Variants in NDRG3 observed in about 807,000 individuals in gnomAD.
The protein encoded by NDRG3 is protein NDRG3.
NDRG3 carries 23 observed loss-of-function variants against 57.2 expected under a neutral mutation model. The ratio of observed to expected loss-of-function variants is 0.40; its 90% CI spans 0.29 to 0.57. The LOEUF is 0.57. NDRG3 is among the 20% of genes least tolerant of loss of function. The pLI is 0.42. For synonymous variants in NDRG3, 132 were observed against 162.6 expected, an observed-to-expected ratio of 0.81 and a Z score of 1.43; for missense variants, 384 against 457.3, an observed-to-expected ratio of 0.84 and a Z score of 1.46.
chr20:36,653,919 T>C lies in NDRG3; in HGVS notation c.947-218A>G, dbSNP rs139960451. On this transcript the variant is annotated intron_variant, in intron 15 of 15. Coordinates refer to ENST00000349004, the MANE Select transcript of NDRG3 (RefSeq NM_032013.4). This position sits in a 1 kb window ranked among gnomAD's most constrained non-coding sequence, Gnocchi z 4.2. ...TAGATCTGGTTGGAATCTCAGCTGA[T>C]TGTAGTCACCGCAGAACAAGGGGAA... Among the ~76,000 whole-genome samples, 46 of 152,290 alleles carry C rather than the reference T, an allele frequency of 3.0e-4. No homozygotes were observed. The East Asian group carries it at 6.6e-3, about 22-fold the overall frequency.
chr20:36,743,009 G>A (rs1024677059), intron 1 of NDRG3, among the ~76,000 whole-genome samples: 4 of 152,138 alleles, frequency 2.6e-5, no homozygotes, highest in African/African-American at 9.7e-5. Context: ...ACAACCAGGG[G>A]CAATCAGCCA....
At chr20:36,664,483 C>T (rs536830059) in intron 12 of NDRG3, among the ~76,000 whole-genome samples, 3 of 152,192 alleles carry the variant, frequency 2.0e-5, no homozygotes, top group East Asian at 3.9e-4. Context: ...AGAAATCTGA[C>T]AATAAGTAAA....
chr20:36,686,133 T>G (rs1981768887), intron 5 of NDRG3, among the ~76,000 whole-genome samples: 1 of 152,142 alleles, frequency 6.6e-6, no homozygotes, highest in Non-Finnish European at 1.5e-5. Flanking sequence ...CCTGAACACT[T>G]AAGGGGATGG....
chr20:36,702,290 C>T (rs1048064623), intron 3 of NDRG3, among the ~76,000 whole-genome samples: 4 of 152,034 alleles, frequency 2.6e-5, no homozygotes, highest in African/African-American at 9.7e-5. Flanking sequence ...GTGCCCGCCA[C>T]TATGCCGGCT....
intron 2 of NDRG3, among the ~76,000 whole-genome samples, chr20:36,715,410 C>T (rs1984213904): frequency 6.6e-6 from 1 of 151,804 alleles, no homozygotes; most frequent in Non-Finnish European, 1.5e-5. Context: ...CCACTCTAGT[C>T]CACACTAGAT....
intron 1 of NDRG3, among the ~76,000 whole-genome samples, chr20:36,739,715 G>A (rs1304401876): frequency 6.6e-6 from 1 of 151,772 alleles, no homozygotes; most frequent in Non-Finnish European, 1.5e-5. Flanking sequence ...GAGGTCAGGA[G>A]ATCGAGACCA....
chr20:36,733,167 AAAAAATATAT>A (rs1372575256), intron 1 of NDRG3, among the ~76,000 whole-genome samples: 9 of 29,272 alleles, frequency 3.1e-4, no homozygotes, highest in African/African-American at 1.4e-3. Flanking sequence ...AAAAAAAAAA[AAAAAATATAT>A]ATATATATAT....
intron 3 of NDRG3, among the ~76,000 whole-genome samples, chr20:36,697,079 T>C (rs557146378): frequency 6.6e-6 from 1 of 152,210 alleles, no homozygotes; most frequent in East Asian, 1.9e-4. Flanking sequence ...CAAAAGAACT[T>C]TGAAAGGCAG....
At position 36,703,421 on chromosome 20, in the gene NDRG3, C is replaced by CCCATCTATCTAT. The variant is rs569065969; in HGVS notation, c.93+3550_93+3551insATAGATAGATGG. On this transcript the variant is annotated intron_variant, in intron 3 of 15. Transcript: ENST00000349004. The stretch of plus-strand genomic sequence containing the variant: ...CTCTAAATATATATATATGTAATAT[C>CCCATCTATCTAT]CTATCTATCTATCTATCTATCTATC... 6.7e-3 allele frequency among the ~76,000 whole-genome samples: 990 copies of CCCATCTATCTAT among 147,014 alleles called. 7 individuals are homozygous for CCCATCTATCTAT. The highest frequency in any genetic ancestry group is 0.024 in the African/African-American group (940 of 39,808).
At chr20:36,717,597 G>C (rs1193422061) in intron 2 of NDRG3, among the ~76,000 whole-genome samples, 2 of 152,092 alleles carry the variant, frequency 1.3e-5, no homozygotes, top group East Asian at 3.8e-4. Flanking sequence ...CCTTTCATTC[G>C]GATTTTTAAT....
chr20:36,680,760 A>T (rs1981211486), intron 8 of NDRG3, 56 bp downstream of exon 8: 2 of 1,383,564 alleles, frequency 1.4e-6, no homozygotes, highest in African/African-American at 2.8e-5. Flanking sequence ...AAAAACTGGT[A>T]AGCTGTTTTG....
intron 1 of NDRG3, among the ~76,000 whole-genome samples, chr20:36,731,058 G>A (rs1456526132): frequency 6.6e-6 from 1 of 152,122 alleles, no homozygotes; most frequent in Non-Finnish European, 1.5e-5. Flanking sequence ...GGAAATTAGT[G>A]AGCTGAGAAA....
intron 3 of NDRG3, among the ~76,000 whole-genome samples, chr20:36,694,897 A>G (rs2148139710): frequency 6.6e-6 from 1 of 152,216 alleles, no homozygotes; most frequent in African/African-American, 2.4e-5. Context: ...AGCTGGGACC[A>G]TAGATGCATG....
chr20:36,723,708 T>A (rs1984748391), intron 1 of NDRG3, among the ~76,000 whole-genome samples: 1 of 139,464 alleles, frequency 7.2e-6, no homozygotes, highest in Admixed American at 7.1e-5. Flanking sequence ...GTCTGGTGTT[T>A]TTGTTTTTTT....
Position 36,673,827 on chromosome 20 carries a change from G to A in NDRG3, c.532-2430C>T, listed in dbSNP as rs535053039. 2.3e-3 allele frequency among the ~76,000 whole-genome samples: 346 copies of A among 152,182 alleles called. 2 individuals are homozygous for A. Among genetic ancestry groups the A allele is most frequent in the African/African-American group, 7.6e-3 (316 of 41,534 alleles). The stretch of plus-strand genomic sequence containing the variant: ...TTAAGTATATCTAAAACATTTGGCC[G>A]GGCGCAGTAGCTCACACCTGTAATC... On this transcript the variant is annotated intron_variant, in intron 8 of 15. Coordinates refer to ENST00000349004, the MANE Select transcript of NDRG3 (RefSeq NM_032013.4).
At chr20:36,745,298 A>T (rs938777433) in intron 1 of NDRG3, among the ~76,000 whole-genome samples, 1 of 152,120 alleles carries the variant, frequency 6.6e-6, no homozygotes, top group Non-Finnish European at 1.5e-5. Context: ...CCTCAATTGT[A>T]CTCCGACAAC....
chr20:36,663,612 A>C (rs1483584721), intron 12 of NDRG3, among the ~76,000 whole-genome samples: 1 of 152,220 alleles, frequency 6.6e-6, no homozygotes, highest in Non-Finnish European at 1.5e-5. Flanking sequence ...GTGTGCAGTG[A>C]AACAGGCATG....
At chr20:36,723,478 CA>C (rs1397910953) in intron 1 of NDRG3, among the ~76,000 whole-genome samples, 2 of 152,048 alleles carry the variant, frequency 1.3e-5, no homozygotes, top group Non-Finnish European at 2.9e-5. Context: ...TTACATTTAA[CA>C]ACCATTTATT....
chr20:36,691,020 T>C (rs1982225114), intron 3 of NDRG3, among the ~76,000 whole-genome samples: 1 of 152,244 alleles, frequency 6.6e-6, no homozygotes, highest in South Asian at 2.1e-4. Context: ...AATAAAAAAA[T>C]TACCATTCCT....
Sources: allele counts gnomAD v4.1 joint callset (sites outside exome capture counted in the v4.1 genomes callset), GRCh38; gene constraint gnomAD v4.1.1; non-coding constraint Gnocchi (gnomAD v3.1); transcripts MANE v1.5; gene names NCBI Gene and HGNC (gene_info 2026-07-23, HGNC 2026-07-21).